Variants in HIVEP3 observed in about 807,000 individuals in gnomAD.
HIVEP3 encodes transcription factor HIVEP3.
In HIVEP3, 49 loss-of-function variants were observed where a neutral mutation model predicts 152.8. The observed-to-expected ratio is 0.32, with a 90% CI of 0.26 to 0.41. The LOEUF (loss-of-function observed/expected upper bound fraction) is 0.41, where lower values mean the gene tolerates loss of function less well. Ranked by LOEUF, HIVEP3 falls within the 10% of genes least tolerant of loss-of-function variation. The pLI is 1.00. For synonymous variants in HIVEP3, 1,269 were observed against 1,289.0 expected (o/e 0.98, Z 0.33); for missense variants, 2,790 against 3,103.3 (o/e 0.90, Z 2.40).
chr1:41,754,411 A>C (rs564905995), intron 1 of HIVEP3, among the ~76,000 whole-genome samples: 1 of 152,326 alleles, frequency 6.6e-6, no homozygotes, highest in Non-Finnish European at 1.5e-5. Context: ...TAGTCTTTGC[A>C]TGCTAGAGAT....
chr1:41,538,397 T>C (rs1312346080), intron 5 of HIVEP3, among the ~76,000 whole-genome samples: 1 of 152,122 alleles, frequency 6.6e-6, no homozygotes, highest in African/African-American at 2.4e-5. Flanking sequence ...GATGCCTTCT[T>C]ATACACCTTC....
At chr1:41,690,439 A>T (rs1646179717) in intron 2 of HIVEP3, among the ~76,000 whole-genome samples, 1 of 152,226 alleles carries the variant, frequency 6.6e-6, no homozygotes, top group South Asian at 2.1e-4. Context: ...GCCTTCTCTG[A>T]GTCCTCAGGC....
chr1:41,843,067 C>T (rs1643336011), intron 1 of HIVEP3, among the ~76,000 whole-genome samples: 1 of 152,152 alleles, frequency 6.6e-6, no homozygotes, highest in South Asian at 2.1e-4. Flanking sequence ...GCTGTGAAGT[C>T]CTCCCCTCCG....
rs1203236733 is a variant in HIVEP3, at chr1:41,545,252, CACT to C, written c.5208-20345_5208-20343del. On this transcript the variant is annotated intron_variant, in intron 5 of 8. Coordinates refer to ENST00000372583, the MANE Select transcript of HIVEP3 (RefSeq NM_024503.5). ...CTACCATCACCACCACCACCAATACCACTACCACCACTACCACCACCATCACTA... is the reference window on the plus strand; with the variant it reads ...CTACCATCACCACCACCACCAATACCACCACCACTACCACCACCATCACTA... 2.6e-3 allele frequency among the ~76,000 whole-genome samples: 357 copies of C among 138,782 alleles called. 4 individuals are homozygous for C. Among genetic ancestry groups the C allele is most frequent in the African/African-American group, 9.5e-3 (343 of 36,206 alleles). 91.0% of individuals were successfully genotyped at this position (138,782 alleles called of 152,430 possible). A position where few individuals can be genotyped will look rare whatever the true frequency, so the allele number is the denominator to read the frequency against.
At chr1:41,780,804 T>C (rs1648998816) in intron 1 of HIVEP3, among the ~76,000 whole-genome samples, 1 of 152,064 alleles carries the variant, frequency 6.6e-6, no homozygotes, top group Non-Finnish European at 1.5e-5. Context: ...GGAGGAAGGC[T>C]ATGCTAAGCC....
intron 1 of HIVEP3, among the ~76,000 whole-genome samples, chr1:42,025,419 A>C (rs994495645): frequency 6.6e-6 from 1 of 152,224 alleles, no homozygotes; most frequent in African/African-American, 2.4e-5. Context: ...AGGTATTTAT[A>C]AGGGTACTTT....
intron 2 of HIVEP3, among the ~76,000 whole-genome samples, chr1:41,645,941 G>A (rs190275615): frequency 1.3e-5 from 2 of 152,026 alleles, no homozygotes; most frequent in African/African-American, 4.8e-5. Context: ...ACATTTGCAC[G>A]ACCCCGAGGA....
At chr1:41,984,396 C>G (rs191811553) in intron 1 of HIVEP3, among the ~76,000 whole-genome samples, 1 of 152,218 alleles carries the variant, frequency 6.6e-6, no homozygotes, top group East Asian at 1.9e-4. Context: ...AGAATATGAC[C>G]TGAATGGGGG....
chr1:41,678,402 A>C (rs1645989310), intron 2 of HIVEP3, among the ~76,000 whole-genome samples: 1 of 152,188 alleles, frequency 6.6e-6, no homozygotes, highest in African/African-American at 2.4e-5. Context: ...GTGCTCTTTT[A>C]GAAGTCCCAT....
intron 1 of HIVEP3, among the ~76,000 whole-genome samples, chr1:41,917,433 G>GGCCA (rs1237354265): frequency 6.6e-6 from 1 of 152,084 alleles, no homozygotes; most frequent in African/African-American, 2.4e-5. Flanking sequence ...CCAGAAAGAG[G>GGCCA]GCCAGGGTGC....
chr1:41,698,367 G>T (rs1646308822), intron 2 of HIVEP3, among the ~76,000 whole-genome samples: 1 of 152,144 alleles, frequency 6.6e-6, no homozygotes, highest in Non-Finnish European at 1.5e-5. Flanking sequence ...CAGCACAGAT[G>T]TTATAACATC....
chr1:41,548,788 C>T (rs1172736147), intron 5 of HIVEP3, among the ~76,000 whole-genome samples: 1 of 152,180 alleles, frequency 6.6e-6, no homozygotes, highest in East Asian at 1.9e-4. Flanking sequence ...CACCCCACCT[C>T]AGCCTCCCAA....
Position 41,850,636 on chromosome 1 carries a change from C to T in HIVEP3, c.-801+67777G>A, listed in dbSNP as rs147644323. Among the ~76,000 whole-genome samples the T allele has an allele frequency of 3.3e-3, 499 of 152,258 alleles. 4 individuals are homozygous for T. The highest frequency in any genetic ancestry group is 6.0e-3 in the Non-Finnish European group (408 of 68,020). On this transcript the variant is annotated intron_variant, in intron 1 of 8. Coordinates refer to ENST00000372583, the MANE Select transcript of HIVEP3 (RefSeq NM_024503.5). ...GGCTTCCCCTTCTGGTCCTCCATGC[C>T]GAAGCACTCAGGCCATGCCATGGTC...
intron 1 of HIVEP3, among the ~76,000 whole-genome samples, chr1:41,825,382 TG>T (rs1273000422): frequency 6.6e-6 from 1 of 152,014 alleles, no homozygotes; most frequent in Non-Finnish European, 1.5e-5. Flanking sequence ...GGCTTGACCA[TG>T]GTAGGGCCAG....
intron 1 of HIVEP3, among the ~76,000 whole-genome samples, chr1:41,897,550 C>T (rs1406040879): frequency 1.3e-5 from 2 of 152,164 alleles, no homozygotes; most frequent in Non-Finnish European, 2.9e-5. Flanking sequence ...CCTTGGACTG[C>T]CCAGCCGCCA....
chr1:41,811,680 G>A (rs1650968371), intron 1 of HIVEP3, among the ~76,000 whole-genome samples: 1 of 151,848 alleles, frequency 6.6e-6, no homozygotes, highest in Admixed American at 6.6e-5. Flanking sequence ...CACTGAGCTT[G>A]GAGCACCACG....
chr1:41,728,404 G>A (rs1248895063), intron 1 of HIVEP3, among the ~76,000 whole-genome samples: 3 of 152,018 alleles, frequency 2.0e-5, no homozygotes, highest in Admixed American at 6.5e-5. Flanking sequence ...AATGATAGAC[G>A]GCACCCAGGC....
At chr1:41,944,406 T>TA (rs1645063418) in intron 1 of HIVEP3, among the ~76,000 whole-genome samples, 3 of 152,326 alleles carry the variant, frequency 2.0e-5, no homozygotes, top group African/African-American at 7.2e-5. Context: ...CCAGAGCCAT[T>TA]AAGGATCACC....
At chr1:41,732,009 G>A (rs1017230751) in intron 1 of HIVEP3, among the ~76,000 whole-genome samples, 2 of 152,248 alleles carry the variant, frequency 1.3e-5, no homozygotes, top group African/African-American at 2.4e-5. Flanking sequence ...GCCCTCTGGG[G>A]CCTATGGGGG....
Sources: allele counts gnomAD v4.1 joint callset (sites outside exome capture counted in the v4.1 genomes callset), GRCh38; gene constraint gnomAD v4.1.1; transcripts MANE v1.5; gene names NCBI Gene and HGNC (gene_info 2026-07-23, HGNC 2026-07-21).